CCNB1IP1: variants seen among roughly 807,000 people sequenced by gnomAD.
The protein encoded by CCNB1IP1 is cyclin B1 interacting protein 1.
A neutral mutation model predicts 25.6 loss-of-function variants in CCNB1IP1; 14 were observed. That is an observed-to-expected ratio of 0.55 (90% CI 0.36 to 0.85). The LOEUF (loss-of-function observed/expected upper bound fraction) is 0.85. Among genes scored for constraint, CCNB1IP1 ranks in the 40% least tolerant of loss-of-function variants. The pLI, the probability that CCNB1IP1 is intolerant of heterozygous loss-of-function variation, is 0.01. For missense variants in CCNB1IP1, 278 were observed against 342.4 expected, an observed-to-expected ratio of 0.81 and a Z score of 1.48; for synonymous variants, 119 against 116.1, an observed-to-expected ratio of 1.02 and a Z score of -0.16.
At chr14:20,324,183 A>G (rs1882991384) in intron 4 of CCNB1IP1, among the ~76,000 whole-genome samples, 1 of 152,184 alleles carries the variant, frequency 6.6e-6, no homozygotes, top group Non-Finnish European at 1.5e-5. Flanking sequence ...CAATAAAAAC[A>G]AAGAATTTCC....
chr14:20,323,451 C>T (rs1882960576), intron 4 of CCNB1IP1: 1 of 151,918 alleles, frequency 6.6e-6, no homozygotes, highest in Admixed American at 6.6e-5. Flanking sequence ...GCATGGTGGC[C>T]TGTGGTCCCA....
intron 4 of CCNB1IP1, 28 bp from the exon 5 acceptor site, chr14:20,316,588 G>A (rs1185477479): frequency 3.0e-6 from 4 of 1,344,638 alleles, no homozygotes; most frequent in South Asian, 2.6e-5. Flanking sequence ...AAAAGGCCAA[G>A]TAAGTTAAAT....
intron 4 of CCNB1IP1, among the ~76,000 whole-genome samples, chr14:20,317,379 C>A (rs1005887320): frequency 6.6e-6 from 1 of 151,986 alleles, no homozygotes; most frequent in Admixed American, 6.6e-5. Flanking sequence ...GCACTCCAGC[C>A]GGCGACGGAC....
intron 4 of CCNB1IP1, among the ~76,000 whole-genome samples, chr14:20,322,623 T>A (rs8004293): frequency 0.4 from 41,469 of 103,042 alleles, 6,376 homozygotes; most frequent in African/African-American, 0.47. Flanking sequence ...ATATATATAA[T>A]TTTTTTTTTT....
At chr14:20,331,256 A>C (rs751052806) in intron 1 of CCNB1IP1, among the ~76,000 whole-genome samples, 10 of 152,236 alleles carry the variant, frequency 6.6e-5, no homozygotes, top group Non-Finnish European at 1.2e-4. Context: ...TGTGAATACA[A>C]AGATGACTTG....
At chr14:20,329,968 A>G (rs1175077918) in intron 1 of CCNB1IP1, among the ~76,000 whole-genome samples, 1 of 152,178 alleles carries the variant, frequency 6.6e-6, no homozygotes, top group African/African-American at 2.4e-5. Context: ...GACTGAGGTA[A>G]TAAATACATT....
At position 20,332,104 on chromosome 14, in the gene CCNB1IP1, G is replaced by A. The variant is rs12588358; in HGVS notation, c.-431+1150C>T. ...GGCTGGAGTGCAATGGCGCGATCTC[G>A]GCTCACCGCAACCTCCACCTCCCGG... On this transcript the variant is annotated intron_variant, in intron 1 of 6. Transcript: ENST00000358932. Among the ~76,000 whole-genome samples the A allele has an allele frequency of 5.9e-4, 80 of 135,506 alleles. 1 individual carries two copies. The East Asian group carries it at 0.015, about 26-fold the overall frequency. 88.9% of individuals were successfully genotyped at this position (135,506 alleles called of 152,430 possible). A position where few individuals can be genotyped will look rare whatever the true frequency, so the allele number is the denominator to read the frequency against.
At chr14:20,314,428 G>A (rs1256263094) in intron 5 of CCNB1IP1, 1 of 152,184 alleles carries the variant, frequency 6.6e-6, no homozygotes, top group Non-Finnish European at 1.5e-5. Context: ...AATGAATCTA[G>A]ACAGATCTTA....
chr14:20,315,424 C>G, intron 5 of CCNB1IP1: 3 of 958,420 alleles, frequency 3.1e-6, no homozygotes, highest in Non-Finnish European at 3.8e-6. Flanking sequence ...AGCAAAAACA[C>G]TATTTGGTAT....
intron 4 of CCNB1IP1, among the ~76,000 whole-genome samples, chr14:20,324,289 C>A (rs531404431): frequency 6.6e-6 from 1 of 152,164 alleles, no homozygotes; most frequent in Admixed American, 6.5e-5. Context: ...CAGATTCAAG[C>A]GATTCTCCTG....
intron 6 of CCNB1IP1, among the ~76,000 whole-genome samples, chr14:20,312,498 C>T (rs776530731): frequency 2.6e-5 from 4 of 151,760 alleles, no homozygotes; most frequent in African/African-American, 7.3e-5. Flanking sequence ...CGCACCTGAC[C>T]ACCTCATACT....
At chr14:20,322,689 C>T (rs570245564) in intron 4 of CCNB1IP1, among the ~76,000 whole-genome samples, 2 of 150,224 alleles carry the variant, frequency 1.3e-5, no homozygotes, top group Admixed American at 6.7e-5. Context: ...GTGGCACAAT[C>T]GCGGCTTACT....
intron 6 of CCNB1IP1, among the ~76,000 whole-genome samples, chr14:20,312,431 G>T: frequency 6.6e-6 from 1 of 151,488 alleles, no homozygotes; most frequent in South Asian, 2.1e-4. Context: ...GCCCAGGCTG[G>T]TCTCAAACTC....
At chr14:20,328,386 A>AT (rs1353509817) in intron 2 of CCNB1IP1, among the ~76,000 whole-genome samples, 2 of 152,218 alleles carry the variant, frequency 1.3e-5, no homozygotes, top group Admixed American at 1.3e-4. Context: ...TCTCAGACAG[A>AT]TATGATCAAA....
chr14:20,312,908 A>C (rs773274580), intron 6 of CCNB1IP1, among the ~76,000 whole-genome samples: 1 of 152,170 alleles, frequency 6.6e-6, no homozygotes, highest in Non-Finnish European at 1.5e-5. Flanking sequence ...AGAACAAAAC[A>C]ACCAAACTGA....
chr14:20,313,914 A>T (rs941130472), intron 5 of CCNB1IP1, 113 bp from the exon 6 acceptor site: 1 of 755,616 alleles, frequency 1.3e-6, no homozygotes, highest in African/African-American at 1.7e-5. Flanking sequence ...ATGTTATTTT[A>T]TCATTTAGAA....
intron 1 of CCNB1IP1, among the ~76,000 whole-genome samples, chr14:20,332,024 ATATTTTTTTTTT>A (rs1379064178): frequency 1.0e-4 from 5 of 50,204 alleles, no homozygotes; most frequent in African/African-American, 4.8e-4. Flanking sequence ...ATATATATAT[ATATTTTTTTTTT>A]TTTTTTTTTT....
chr14:20,312,307 CTG>C (rs1882521356), intron 6 of CCNB1IP1, among the ~76,000 whole-genome samples: 1 of 152,072 alleles, frequency 6.6e-6, no homozygotes, highest in Non-Finnish European at 1.5e-5. Flanking sequence ...ATAAGTAAAA[CTG>C]AAAGTTAAGC....
intron 2 of CCNB1IP1, among the ~76,000 whole-genome samples, chr14:20,328,256 C>T (rs2138873849): frequency 6.6e-6 from 1 of 152,322 alleles, no homozygotes; most frequent in South Asian, 2.1e-4. Flanking sequence ...AAACTCCATA[C>T]TCTTCAATTC....
Sources: gnomAD v4.1 joint callset for allele counts (sites outside exome capture counted in the v4.1 genomes callset) on GRCh38, gnomAD v4.1.1 for gene constraint, MANE v1.5 for transcripts, NCBI Gene and HGNC (gene_info 2026-07-23, HGNC 2026-07-21) for gene names.